KPNA3: variants seen among roughly 807,000 people sequenced by gnomAD.
KPNA3 encodes the protein karyopherin subunit alpha 3, also known as importin subunit alpha-4.
KPNA3 carries 13 observed loss-of-function variants against 73.8 expected under a neutral mutation model. The ratio of observed to expected loss-of-function variants is 0.18; its 90% CI spans 0.11 to 0.28. The LOEUF (loss-of-function observed/expected upper bound fraction) is 0.28, where lower values mean the gene tolerates loss of function less well. Among genes scored for constraint, KPNA3 ranks in the 10% least tolerant of loss-of-function variants. The probability of loss-of-function intolerance (pLI) is 1.00; values close to 1 mark genes in which losing one functional copy is unlikely to be tolerated. For missense variants in KPNA3, 360 were observed against 618.1 expected, an observed-to-expected ratio of 0.58 and a Z score of 4.43; for synonymous variants, 186 against 206.9, an observed-to-expected ratio of 0.90 and a Z score of 0.87.
chr13:49,717,869 C>T (rs1954319851), intron 10 of KPNA3, among the ~76,000 whole-genome samples: 1 of 152,222 alleles, frequency 6.6e-6, no homozygotes, highest in South Asian at 2.1e-4. Flanking sequence ...GTCAACGAAG[C>T]TTTCTGCTTC....
chr13:49,700,648 A>G lies in KPNA3; in HGVS notation c.*1152T>C, dbSNP rs1954138735. 6.6e-6 allele frequency: 1 copy of G among 152,644 alleles called. No individual in the cohort carries two copies. Among genetic ancestry groups the G allele is most frequent in the South Asian group, 2.1e-4 (1 of 4,824 alleles). The allele number at this position is 152,644 out of a possible 1,614,324, so 9.5% of individuals were successfully genotyped here. On this transcript the variant is annotated 3_prime_UTR_variant, in exon 17 of 17. Transcript: ENST00000261667. ...TCTGAATTAACTTTCCCAATACTCA[A>G]AGAATGAACTCTTATGACACTTCTA... is the stretch of plus-strand genomic sequence containing the variant.
intron 5 of KPNA3, 37 bp downstream of exon 5, chr13:49,732,568 A>G (rs1954480139): frequency 6.5e-7 from 1 of 1,532,314 alleles, no homozygotes; most frequent in Non-Finnish European, 9.0e-7. Flanking sequence ...CAACTGAGGA[A>G]TGACATAATT....
chr13:49,705,311 A>G (rs960381508), intron 15 of KPNA3, among the ~76,000 whole-genome samples: 1 of 150,080 alleles, frequency 6.7e-6, no homozygotes, highest in Admixed American at 6.7e-5. Context: ...ATGAGCTGAG[A>G]TTGTGCCACT....
Position 49,705,668 on chromosome 13 carries a change from G to A in KPNA3, c.1325C>T (p.Ala442Val), listed in dbSNP as rs1454910799. ...AGCTATTGTGCTTGCTTCATCACCG[G>A]CCATTATCAGAATGTTTTTTAGACC... ...LDGLKNILIM[A>V]GDEASTIAEI... The change falls in exon 15 of 17, where the codon GCC (alanine) becomes GTC (valine). Residue 442 changes from alanine to valine, a missense_variant. Ala to Val is a moderately conservative substitution (Grantham distance 64). Coordinates refer to ENST00000261667, the MANE Select transcript of KPNA3 (RefSeq NM_002267.4). 6.2e-7 allele frequency: 1 copy of A among 1,613,868 alleles called. No individual in the cohort carries two copies. The highest frequency in any genetic ancestry group is 8.5e-7 in the Non-Finnish European group (1 of 1,179,980).
At chr13:49,792,250 G>A (rs1210070079) in intron 1 of KPNA3, among the ~76,000 whole-genome samples, 188 bp downstream of exon 1, 1 of 151,526 alleles carries the variant, frequency 6.6e-6, no homozygotes, top group Non-Finnish European at 1.5e-5. Context: ...AGCTCCGGGG[G>A]GTGACTGCAG....
rs1255349059 is a variant in KPNA3, at chr13:49,702,428, T to C, written c.1425A>G (p.Lys475=). ...ACTGATCTATGATTTCAAATGCTAATTTATATATGTCTTCATTTTCATGTT... is the reference window on the plus strand; with the variant it reads ...ACTGATCTATGATTTCAAATGCTAACTTATATATGTCTTCATTTTCATGTT... ...LQQHENEDIY[K]LAFEIIDQYF... is the part of the protein sequence containing the mutation. Residue 475 remains lysine (K), a synonymous_variant, in exon 16 of 17, where the codon AAA becomes AAG. Coordinates refer to ENST00000261667, the MANE Select transcript of KPNA3 (RefSeq NM_002267.4). The C allele has an allele frequency of 6.4e-7, 1 of 1,554,218 alleles. No individual in the cohort carries two copies. The highest frequency in any genetic ancestry group is 8.8e-7 in the Non-Finnish European group (1 of 1,132,354).
In KPNA3 at chr13:49,701,740, T is replaced by TG; in HGVS notation, c.*59dup. Reference sequence around the variant, plus strand: ...TTTTGTTGCTGTTGTTCTTATCATTTGGTAGCCATCTGGTGGTGCTTCATA... The same window carrying TG: ...TTTTGTTGCTGTTGTTCTTATCATTTGGGTAGCCATCTGGTGGTGCTTCATA... On this transcript the variant is annotated 3_prime_UTR_variant, in exon 17 of 17. Transcript: ENST00000261667. The TG allele has an allele frequency of 1.0e-6, 1 of 996,284 alleles. No homozygotes were observed. Among genetic ancestry groups the TG allele is most frequent in the Non-Finnish European group, 1.6e-6 (1 of 617,604 alleles). 61.7% of individuals were successfully genotyped at this position (996,284 alleles called of 1,614,324 possible).
At chr13:49,719,152 C>T (rs536206006) in intron 10 of KPNA3, among the ~76,000 whole-genome samples, 5 of 152,086 alleles carry the variant, frequency 3.3e-5, no homozygotes, top group South Asian at 2.1e-4. Flanking sequence ...CTTGCCAGAA[C>T]GTTGACAGTA....
At chr13:49,761,439 CTG>C (rs1954759572) in intron 1 of KPNA3, among the ~76,000 whole-genome samples, 1 of 152,270 alleles carries the variant, frequency 6.6e-6, no homozygotes. Flanking sequence ...CGGGGTTTCG[CTG>C]TGTTGGCCGG....
chr13:49,704,625 AAACT>A (rs1429685211), intron 15 of KPNA3, among the ~76,000 whole-genome samples: 2 of 152,110 alleles, frequency 1.3e-5, no homozygotes, highest in African/African-American at 4.8e-5. Flanking sequence ...ACATTATGAT[AAACT>A]AATTTAAGGT....
At chr13:49,764,066 C>CAAAAAA (rs11301654) in intron 1 of KPNA3, among the ~76,000 whole-genome samples, 1 of 79,968 alleles carries the variant, frequency 1.3e-5, no homozygotes, top group Non-Finnish European at 2.4e-5. Flanking sequence ...GACCCTGTCT[C>CAAAAAA]AAAAAAAAAA....
At chr13:49,719,891 T>C (rs1166882526) in intron 9 of KPNA3, 72 bp from the exon 10 acceptor site, 1 of 958,356 alleles carries the variant, frequency 1.0e-6, no homozygotes, top group African/African-American at 1.7e-5. Context: ...AACTTTGACA[T>C]AAAAAGCGGT....
At chr13:49,744,194 T>G (rs1483569819) in intron 2 of KPNA3, among the ~76,000 whole-genome samples, 1 of 151,870 alleles carries the variant, frequency 6.6e-6, no homozygotes, top group Non-Finnish European at 1.5e-5. Flanking sequence ...GGACTTTTTG[T>G]ATGTATGGTG....
chr13:49,739,483 G>A (rs1954553780), intron 2 of KPNA3, among the ~76,000 whole-genome samples: 1 of 152,190 alleles, frequency 6.6e-6, no homozygotes, highest in African/African-American at 2.4e-5. Flanking sequence ...ACAGATGTGT[G>A]TTTAAGTGTT....
intron 1 of KPNA3, among the ~76,000 whole-genome samples, chr13:49,774,572 G>A (rs1253510578): frequency 6.6e-6 from 1 of 152,118 alleles, no homozygotes; most frequent in Non-Finnish European, 1.5e-5. Context: ...CTGCACTGCT[G>A]TAAACACTAT....
chr13:49,741,429 T>C (rs1208303230), intron 2 of KPNA3, among the ~76,000 whole-genome samples: 2 of 152,068 alleles, frequency 1.3e-5, no homozygotes, highest in Non-Finnish European at 2.9e-5. Context: ...TTCTATGTTT[T>C]GAGAATGTTT....
intron 11 of KPNA3, among the ~76,000 whole-genome samples, chr13:49,710,235 T>C (rs890552232): frequency 2.0e-5 from 3 of 152,162 alleles, no homozygotes; most frequent in Admixed American, 6.5e-5. Flanking sequence ...ATACTCCAGC[T>C]TGGGCGACAG....
In KPNA3 at chr13:49,745,646, C is replaced by T. The variant is rs115546315; in HGVS notation, c.114+1303G>A. 4.3e-3 allele frequency among the ~76,000 whole-genome samples: 656 copies of T among 152,112 alleles called. 6 individuals are homozygous for T. The highest frequency in any genetic ancestry group is 0.015 in the African/African-American group (622 of 41,508). On this transcript the variant is annotated intron_variant, in intron 2 of 16. Coordinates refer to ENST00000261667, the MANE Select transcript of KPNA3 (RefSeq NM_002267.4). ...GTGCTGGAATGACGGCATGAGCCAC[C>T]GCACCCAGCCCAAGATGGTAATTCA...
At chr13:49,743,004 TG>T (rs975886571) in intron 2 of KPNA3, among the ~76,000 whole-genome samples, 1 of 120,772 alleles carries the variant, frequency 8.3e-6, no homozygotes, top group African/African-American at 2.6e-5. Context: ...CATTTTGAGA[TG>T]GGCTAAGAAA....
Sources: gnomAD v4.1 joint callset for allele counts (sites outside exome capture counted in the v4.1 genomes callset) on GRCh38, gnomAD v4.1.1 for gene constraint, MANE v1.5 for transcripts, NCBI Gene and HGNC (gene_info 2026-07-23, HGNC 2026-07-21) for gene names.